The following NRG2 variants were observed in gnomAD, a reference collection of about 807,000 sequenced individuals.
NRG2 encodes the protein neuregulin 2, also known as pro-neuregulin-2, membrane-bound isoform.
Under a neutral mutation model 73.9 loss-of-function variants are expected in NRG2, and 27 were observed. The ratio of observed to expected loss-of-function variants is 0.37; its 90% CI spans 0.27 to 0.50. The LOEUF is 0.50. Among genes scored for constraint, NRG2 ranks in the 20% least tolerant of loss-of-function variants. NRG2 has a pLI of 0.96. For missense variants in NRG2, 1,126 were observed against 1,210.1 expected (o/e 0.93, Z 1.03); for synonymous variants, 532 against 541.0 (o/e 0.98, Z 0.23).
chr5:139,888,533 T>C (rs879471704), intron 1 of NRG2, among the ~76,000 whole-genome samples: 3 of 152,176 alleles, frequency 2.0e-5, no homozygotes, highest in African/African-American at 7.2e-5. Flanking sequence ...TGGGAACTGA[T>C]TGGCCCTGTC....
chr5:139,888,154 T>C (rs902359252), intron 1 of NRG2, among the ~76,000 whole-genome samples: 2 of 150,902 alleles, frequency 1.3e-5, no homozygotes, highest in African/African-American at 4.9e-5. Flanking sequence ...AAAGAGAAAG[T>C]ACTCTCTTCT....
intron 1 of NRG2, among the ~76,000 whole-genome samples, chr5:139,900,330 C>A (rs1764794802): frequency 6.6e-6 from 1 of 152,200 alleles, no homozygotes; most frequent in African/African-American, 2.4e-5. Flanking sequence ...TTAATGCCTG[C>A]AGAATTGAAT....
At chr5:140,040,835 T>A (rs1226721335) in intron 1 of NRG2, among the ~76,000 whole-genome samples, 2 of 152,166 alleles carry the variant, frequency 1.3e-5, no homozygotes, top group Non-Finnish European at 2.9e-5. Context: ...TTATAAAACA[T>A]TTCAGAACAT....
At chr5:139,880,775 G>A in intron 3 of NRG2, 81 bp downstream of exon 3, 2 of 997,840 alleles carry the variant, frequency 2.0e-6, no homozygotes, top group Non-Finnish European at 3.1e-6. Flanking sequence ...TGGATCACAT[G>A]CAGGCCCCAA....
At chr5:139,919,532 A>T (rs919353874) in intron 1 of NRG2, among the ~76,000 whole-genome samples, 10 of 152,042 alleles carry the variant, frequency 6.6e-5, no homozygotes, top group African/African-American at 2.4e-4. Flanking sequence ...TGGCGTTATG[A>T]TAGTGTGAGT....
intron 1 of NRG2, among the ~76,000 whole-genome samples, chr5:140,013,775 G>A (rs1240042640): frequency 6.6e-6 from 1 of 152,098 alleles, no homozygotes; most frequent in East Asian, 1.9e-4. Flanking sequence ...TTGATAATGA[G>A]GTTAGTACTC....
At chr5:139,996,625 G>T (rs142369867) in intron 1 of NRG2, among the ~76,000 whole-genome samples, 3 of 152,156 alleles carry the variant, frequency 2.0e-5, no homozygotes, top group African/African-American at 7.2e-5. Flanking sequence ...CATCCAAAGT[G>T]CTTTCTCTCT....
At chr5:139,880,491 G>A (rs376000183) in intron 3 of NRG2, among the ~76,000 whole-genome samples, 2 of 152,166 alleles carry the variant, frequency 1.3e-5, no homozygotes, top group East Asian at 1.9e-4. Context: ...GCAATAGGCA[G>A]TCAGCTTGTA....
At chr5:139,895,455 C>T (rs1764489186) in intron 1 of NRG2, among the ~76,000 whole-genome samples, 1 of 152,186 alleles carries the variant, frequency 6.6e-6, no homozygotes, top group Non-Finnish European at 1.5e-5. Context: ...GTACAGATGC[C>T]TCAGTCTCCC....
chr5:139,865,243 A>ATTGGCAGGAGCCCGTGC lies in NRG2; in HGVS notation c.1189+305_1189+306insGCACGGGCTCCTGCCAA. On this transcript the variant is annotated intron_variant, in intron 5 of 9. Coordinates refer to ENST00000361474, the MANE Select transcript of NRG2 (RefSeq NM_004883.3). The surrounding 1 kb of genome is among the most constrained non-coding windows in gnomAD (Gnocchi z 5.2). ...GACACAGGCATTGCAACACCCCGGC[A>ATTGGCAGGAGCCCGTGC]CGGGCTCCTGCCAATGCCAGCTGGG... The ATTGGCAGGAGCCCGTGC allele has an allele frequency of 1.5e-6, 2 of 1,314,500 alleles. No individual in the cohort carries two copies. Among genetic ancestry groups the ATTGGCAGGAGCCCGTGC allele is most frequent in the Non-Finnish European group, 2.2e-6 (2 of 913,992 alleles). 81.4% of individuals were successfully genotyped at this position (1,314,500 alleles called of 1,614,324 possible).
At chr5:139,959,602 C>G (rs1754909485) in intron 1 of NRG2, among the ~76,000 whole-genome samples, 1 of 152,190 alleles carries the variant, frequency 6.6e-6, no homozygotes, top group Non-Finnish European at 1.5e-5. Context: ...TCTCGAACTC[C>G]CGACCTCAGA....
chr5:139,861,696 C>G (rs933946663), intron 5 of NRG2: 9 of 512,916 alleles, frequency 1.8e-5, no homozygotes, highest in Non-Finnish European at 2.7e-5. Context: ...TTTGTCCACT[C>G]CTCTCCAGGG....
At chr5:139,949,724 G>A (rs1273005488) in intron 1 of NRG2, among the ~76,000 whole-genome samples, 7 of 152,176 alleles carry the variant, frequency 4.6e-5, no homozygotes, top group South Asian at 2.1e-4. Context: ...CAAAAGTCAC[G>A]TTTCTAAGGT....
Position 140,042,956 on chromosome 5 carries a change from G to GCTGCTGCTGCTGCTGCTC in NRG2, c.96_113dup (p.Arg32_Ser37dup). 2 of 1,545,682 alleles carry GCTGCTGCTGCTGCTGCTC rather than the reference G, an allele frequency of 1.3e-6. No homozygotes were observed. The highest frequency in any genetic ancestry group is 1.7e-6 in the Non-Finnish European group (2 of 1,148,276). On this transcript the variant is annotated inframe_insertion, in exon 1 of 10. Coordinates refer to ENST00000361474, the MANE Select transcript of NRG2 (RefSeq NM_004883.3). ...TGCTGCTGCCGCTCTCGCTGCTGCT[G>GCTGCTGCTGCTGCTGCTC]CTGCTGCTGCTGCTGCTCCTCTCGC...
intron 1 of NRG2, among the ~76,000 whole-genome samples, chr5:140,017,035 T>C (rs1162699473): frequency 6.6e-6 from 1 of 152,194 alleles, no homozygotes; most frequent in South Asian, 2.1e-4. Context: ...AAGCTCACTA[T>C]GTGGAGAATG....
chr5:139,918,282 T>G (rs1444066072), intron 1 of NRG2, among the ~76,000 whole-genome samples: 1 of 152,176 alleles, frequency 6.6e-6, no homozygotes, highest in African/African-American at 2.4e-5. Context: ...CTGGTGGTCA[T>G]ATCAAGAATT....
At chr5:139,883,668 G>C (rs1190774060) in intron 2 of NRG2, among the ~76,000 whole-genome samples, 1 of 152,170 alleles carries the variant, frequency 6.6e-6, no homozygotes, top group Non-Finnish European at 1.5e-5. Context: ...CCTCTACTAG[G>C]TGAGATGTGT....
intron 1 of NRG2, among the ~76,000 whole-genome samples, chr5:139,914,319 A>G (rs1434567803): frequency 1.3e-5 from 2 of 152,116 alleles, no homozygotes; most frequent in Admixed American, 1.3e-4. Context: ...CTTATAAGGG[A>G]AACAGTGGTG....
chr5:139,945,100 T>A (rs905082411), intron 1 of NRG2, among the ~76,000 whole-genome samples: 1 of 152,076 alleles, frequency 6.6e-6, no homozygotes, highest in Non-Finnish European at 1.5e-5. Flanking sequence ...TTAATCGAAC[T>A]GTATGTTTTC....
Sources: allele counts gnomAD v4.1 joint callset (sites outside exome capture counted in the v4.1 genomes callset), GRCh38; gene constraint gnomAD v4.1.1; non-coding constraint Gnocchi (gnomAD v3.1); transcripts MANE v1.5; gene names NCBI Gene and HGNC (gene_info 2026-07-23, HGNC 2026-07-21).